The following WIPF2 variants were observed in gnomAD, a reference collection of about 807,000 sequenced individuals.
WIPF2 encodes the protein WAS/WASL interacting protein family member 2, also known as WAS/WASL-interacting protein family member 2.
In WIPF2, 23 loss-of-function variants were observed where a neutral mutation model predicts 38.8. The observed-to-expected ratio is 0.59, with a 90% confidence interval of 0.43 to 0.84. WIPF2 has a LOEUF of 0.84. Among genes scored for constraint, WIPF2 ranks in the 40% least tolerant of loss-of-function variants. WIPF2 has a pLI of 0.00. For missense variants in WIPF2, 574 were observed against 580.5 expected (o/e 0.99, Z 0.11); for synonymous variants, 210 against 223.2 (o/e 0.94, Z 0.53).
intron 1 of WIPF2, among the ~76,000 whole-genome samples, chr17:40,253,447 G>T (rs11078939): frequency 0.14 from 21,488 of 152,190 alleles, 1,597 homozygotes; most frequent in East Asian, 0.3. Context: ...CCCAGGGGAT[G>T]CAAAGAAAAG....
intron 1 of WIPF2, chr17:40,220,571 GTGTATATATATATATATATATATATA>G (rs1567705656): frequency 2.3e-5 from 2 of 85,650 alleles, no homozygotes; most frequent in African/African-American, 5.0e-5. Flanking sequence ...ACGTGTGTGT[GTGTATATATATATATATATATATATA>G]TATATATATA....
chr17:40,243,367 C>T (rs952269422), intron 1 of WIPF2, among the ~76,000 whole-genome samples: 1 of 151,962 alleles, frequency 6.6e-6, no homozygotes, highest in Non-Finnish European at 1.5e-5. Flanking sequence ...GGGAAAGCTG[C>T]GTTTTGGGGA....
chr17:40,227,881 C>T (rs1217614347), intron 1 of WIPF2, among the ~76,000 whole-genome samples: 2 of 150,422 alleles, frequency 1.3e-5, no homozygotes, highest in Non-Finnish European at 3.0e-5. Flanking sequence ...AAGTTTGTTC[C>T]AGAGATACCA....
At chr17:40,277,977 C>T (rs1175634296) in intron 7 of WIPF2, among the ~76,000 whole-genome samples, 1 of 152,180 alleles carries the variant, frequency 6.6e-6, no homozygotes, top group Non-Finnish European at 1.5e-5. Context: ...CCGCCCGCCT[C>T]GGCCTCCCAA....
chr17:40,229,215 G>A (rs1285021298), intron 1 of WIPF2, among the ~76,000 whole-genome samples: 1 of 140,220 alleles, frequency 7.1e-6, no homozygotes, highest in South Asian at 2.3e-4. Context: ...GGGTTCAAGC[G>A]ATTCTCCTGC....
chr17:40,278,191 G>T lies in WIPF2; in HGVS notation c.1289G>T (p.Arg430Leu), dbSNP rs751625573. The change falls in exon 8 of 8, where the codon CGT becomes CTT. Residue 430 changes from arginine to leucine, a missense_variant. By Grantham distance (102) the Arg-to-Leu change is moderately radical. Transcript: ENST00000323571. ...TTATTTTGTTTTTTTTCAGCTGCCC[G>T]TGGAGCCCCACCTCTGCCACCCATT... ...IYPSKTNRAA[R>L]GAPPLPPILR The T allele has an allele frequency of 1.2e-6, 2 of 1,613,392 alleles. No homozygotes were observed. Among genetic ancestry groups the T allele is most frequent in the Non-Finnish European group, 1.7e-6 (2 of 1,179,778 alleles).
chr17:40,255,782 C>A (rs905172367), intron 1 of WIPF2, among the ~76,000 whole-genome samples: 9 of 151,884 alleles, frequency 5.9e-5, no homozygotes, highest in Non-Finnish European at 1.3e-4. Flanking sequence ...GCGCCCACCA[C>A]CACACCGCTA....
rs2032431998 is a variant in WIPF2, at chr17:40,277,297, C to T, written c.1282+113C>T. On this transcript the variant is annotated intron_variant, in intron 7 of 7. Transcript: ENST00000323571. ...GGCACAGTGGCTCATACCTATAATC[C>T]CAGCACTTTGGGAGGCCAAGGTGGG... The T allele has an allele frequency of 6.8e-6, 6 of 882,306 alleles. No homozygotes were observed. The East Asian group carries it at 1.7e-4, about 25-fold the overall frequency. The allele number at this position is 882,306 out of a possible 1,614,324, so 54.7% of individuals were successfully genotyped here.
chr17:40,264,347 A>AAAAG, intron 4 of WIPF2, 143 bp from the exon 5 acceptor site: 1 of 675,752 alleles, frequency 1.5e-6, no homozygotes, highest in African/African-American at 1.8e-5. Flanking sequence ...AAAAAAAAAA[A>AAAAG]AAAAAAGAAA....
chr17:40,271,161 A>G (rs760016837), intron 5 of WIPF2, among the ~76,000 whole-genome samples: 1 of 152,040 alleles, frequency 6.6e-6, no homozygotes, highest in Non-Finnish European at 1.5e-5. Flanking sequence ...TTAAAATTTG[A>G]GGTGAGGTTT....
At chr17:40,233,933 C>T (rs1479369035) in intron 1 of WIPF2, among the ~76,000 whole-genome samples, 1 of 152,112 alleles carries the variant, frequency 6.6e-6, no homozygotes, top group Non-Finnish European at 1.5e-5. Context: ...CGTGGTGGTG[C>T]ATGCCTGTAA....
At chr17:40,277,637 C>G (rs1403759110) in intron 7 of WIPF2, among the ~76,000 whole-genome samples, 1 of 151,078 alleles carries the variant, frequency 6.6e-6, no homozygotes, top group East Asian at 1.9e-4. Context: ...GCCAAGATCA[C>G]GCTACTGTAC....
At chr17:40,238,648 T>C (rs574919206) in intron 1 of WIPF2, among the ~76,000 whole-genome samples, 3 of 152,168 alleles carry the variant, frequency 2.0e-5, no homozygotes, top group African/African-American at 7.2e-5. Context: ...AATCTCACTC[T>C]GTCGTCCAGG....
intron 1 of WIPF2, among the ~76,000 whole-genome samples, chr17:40,248,309 C>T (rs2031441632): frequency 6.6e-6 from 1 of 151,216 alleles, no homozygotes; most frequent in East Asian, 1.9e-4. Context: ...GGATTATAAG[C>T]ACCCGCCACC....
rs71355445 is a variant in WIPF2, at chr17:40,282,111, C to CAAAAAAAA, written c.*3902_*3909dup. The CAAAAAAAA allele has an allele frequency of 2.0e-5, 1 of 51,132 alleles. No individual in the cohort carries two copies. The highest frequency in any genetic ancestry group is 3.9e-5 in the Non-Finnish European group (1 of 25,638). 3.2% of individuals were successfully genotyped at this position (51,132 alleles called of 1,614,324 possible). On this transcript the variant is annotated 3_prime_UTR_variant, in exon 8 of 8. Transcript: ENST00000323571. ...CTACAACCACCATCAAAACCACACG[C>CAAAAAAAA]AAAAAAAAAAAAAAAAAAAAAAAGG...
chr17:40,245,100 G>A (rs2031318663), intron 1 of WIPF2, among the ~76,000 whole-genome samples: 1 of 152,116 alleles, frequency 6.6e-6, no homozygotes, highest in African/African-American at 2.4e-5. Context: ...AGGCAACATA[G>A]TCTGGACAAT....
At chr17:40,261,052 AAAAAG>A (rs2031886796) in intron 3 of WIPF2, among the ~76,000 whole-genome samples, 1 of 151,566 alleles carries the variant, frequency 6.6e-6, no homozygotes, top group Admixed American at 6.6e-5. Flanking sequence ...AAAAAAAAAA[AAAAAG>A]GCTGCCATCT....
intron 1 of WIPF2, among the ~76,000 whole-genome samples, chr17:40,250,223 T>C (rs1195358335): frequency 9.5e-6 from 1 of 105,202 alleles, no homozygotes; most frequent in African/African-American, 3.7e-5. Flanking sequence ...TATCATGTTT[T>C]TTTTTTTTTT....
chr17:40,277,409 C>T (rs554367785), intron 7 of WIPF2, among the ~76,000 whole-genome samples: 2 of 151,992 alleles, frequency 1.3e-5, no homozygotes, highest in Non-Finnish European at 2.9e-5. Flanking sequence ...AGGCTGGGCG[C>T]GGTGGCTTAT....
Sources: gnomAD v4.1 joint callset for allele counts (sites outside exome capture counted in the v4.1 genomes callset) on GRCh38, gnomAD v4.1.1 for gene constraint, MANE v1.5 for transcripts, NCBI Gene and HGNC (gene_info 2026-07-23, HGNC 2026-07-21) for gene names.